The following UBAC2 variants were observed in gnomAD, a reference collection of about 807,000 sequenced individuals.
The protein encoded by UBAC2 is ubiquitin-associated domain-containing protein 2.
Under a neutral mutation model 44.0 loss-of-function variants are expected in UBAC2, and 26 were observed. That is an observed-to-expected ratio of 0.59 (90% CI 0.43 to 0.82). The LOEUF is 0.82. UBAC2 is among the 40% of genes least tolerant of loss of function. The pLI is 0.00. For missense variants in UBAC2, 329 were observed against 419.4 expected (o/e 0.78, Z 1.88); for synonymous variants, 155 against 154.3 (o/e 1.00, Z -0.04).
intron 4 of UBAC2, among the ~76,000 whole-genome samples, chr13:99,308,373 ACT>A (rs1332401752): frequency 6.6e-6 from 1 of 151,734 alleles, no homozygotes; most frequent in Non-Finnish European, 1.5e-5. Flanking sequence ...GCTTGTGGAA[ACT>A]CTCATAGAAA....
intron 1 of UBAC2, chr13:99,215,595 C>G: frequency 7.5e-7 from 1 of 1,336,168 alleles, no homozygotes. Flanking sequence ...GATGGCTGCG[C>G]TGTACACAGC....
chr13:99,319,787 C>T (rs1454252215), intron 6 of UBAC2, among the ~76,000 whole-genome samples: 1 of 152,200 alleles, frequency 6.6e-6, no homozygotes, highest in African/African-American at 2.4e-5. Flanking sequence ...ACACAGGTGC[C>T]AGACTCCCCC....
intron 1 of UBAC2, among the ~76,000 whole-genome samples, chr13:99,232,399 G>GAGATAGAGATATATATATATATATATAT (rs1367302629): frequency 9.1e-6 from 1 of 109,902 alleles, no homozygotes; most frequent in Non-Finnish European, 2.1e-5. Flanking sequence ...TTAGTTGAGA[G>GAGATAGAGATATATATATATATATATAT]ATATAGATAT....
At chr13:99,353,956 C>T (rs1052464232) in intron 7 of UBAC2, among the ~76,000 whole-genome samples, 1 of 152,226 alleles carries the variant, frequency 6.6e-6, no homozygotes, top group Non-Finnish European at 1.5e-5. Context: ...TCGTGAGTCA[C>T]GATCTCCCAC....
chr13:99,215,711 CT>C, intron 1 of UBAC2: 1 of 1,500,708 alleles, frequency 6.7e-7, no homozygotes, highest in Non-Finnish European at 8.9e-7. Flanking sequence ...GGGAAACCGC[CT>C]TTGTCTTGGC....
chr13:99,277,748 C>T (rs566454940), intron 4 of UBAC2, among the ~76,000 whole-genome samples: 1 of 152,286 alleles, frequency 6.6e-6, no homozygotes, highest in East Asian at 1.9e-4. Flanking sequence ...TCTATTGTCT[C>T]ACTTTCTGGG....
chr13:99,375,323 A>G (rs1446236528), intron 8 of UBAC2, among the ~76,000 whole-genome samples: 1 of 137,662 alleles, frequency 7.3e-6, no homozygotes, highest in African/African-American at 2.6e-5. Context: ...GAGTGGTCAG[A>G]CAGGGAGAGG....
chr13:99,277,975 A>G (rs924555046), intron 4 of UBAC2, among the ~76,000 whole-genome samples: 4 of 152,206 alleles, frequency 2.6e-5, no homozygotes, highest in Non-Finnish European at 4.4e-5. Flanking sequence ...TGGTCTCCCC[A>G]TAGAAGGGCC....
chr13:99,363,649 C>T (rs939098948), intron 7 of UBAC2, among the ~76,000 whole-genome samples: 2 of 152,224 alleles, frequency 1.3e-5, no homozygotes, highest in Non-Finnish European at 2.9e-5. Context: ...CCCATATTCC[C>T]TTTCTGCTGA....
At chr13:99,286,862 A>G (rs139685493) in intron 4 of UBAC2, among the ~76,000 whole-genome samples, 7 of 152,276 alleles carry the variant, frequency 4.6e-5, no homozygotes, top group African/African-American at 9.6e-5. Flanking sequence ...CCATTCTCCT[A>G]TGATTTGAAT....
chr13:99,245,426 A>G (rs2043371230), intron 4 of UBAC2, among the ~76,000 whole-genome samples: 1 of 152,190 alleles, frequency 6.6e-6, no homozygotes, highest in Admixed American at 6.5e-5. Context: ...GCCGTGGCCA[A>G]CCCCACTCAG....
chr13:99,376,993 T>G (rs910693874), intron 8 of UBAC2: 8 of 152,354 alleles, frequency 5.3e-5, no homozygotes, highest in Admixed American at 1.3e-4. Context: ...TCGCCTCGCC[T>G]CGCCTCACCA....
intron 4 of UBAC2, among the ~76,000 whole-genome samples, chr13:99,279,955 G>C (rs1395377887): frequency 1.3e-5 from 2 of 152,240 alleles, no homozygotes; most frequent in African/African-American, 4.8e-5. Flanking sequence ...GGTTAGCATA[G>C]TGGCTCCCAC....
chr13:99,225,870 A>G (rs1057248441), intron 1 of UBAC2, among the ~76,000 whole-genome samples: 2 of 152,210 alleles, frequency 1.3e-5, no homozygotes, highest in Non-Finnish European at 2.9e-5. Context: ...ACGTCTTAGA[A>G]TTATATTTGG....
intron 4 of UBAC2, among the ~76,000 whole-genome samples, chr13:99,298,794 C>G (rs966511649): frequency 2.6e-5 from 4 of 152,082 alleles, no homozygotes; most frequent in South Asian, 2.1e-4. Flanking sequence ...ATGTGAAAAG[C>G]AGCTTTTCAG....
chr13:99,289,511 C>T (rs2044062730), intron 4 of UBAC2, among the ~76,000 whole-genome samples: 1 of 152,144 alleles, frequency 6.6e-6, no homozygotes, highest in South Asian at 2.1e-4. Flanking sequence ...TATTCTCAAT[C>T]CCTGAGCATG....
chr13:99,229,796 A>G (rs1052539841), intron 1 of UBAC2, among the ~76,000 whole-genome samples: 1 of 152,238 alleles, frequency 6.6e-6, no homozygotes, highest in Non-Finnish European at 1.5e-5. Flanking sequence ...ATAGTTATAA[A>G]TGCATAGGGA....
At chr13:99,330,633 T>C (rs889642247) in intron 6 of UBAC2, among the ~76,000 whole-genome samples, 2 of 152,074 alleles carry the variant, frequency 1.3e-5, no homozygotes, top group African/African-American at 4.8e-5. Context: ...ATGCTTCTTC[T>C]TTCCCAATTT....
At chr13:99,237,087 T>A (rs1356765563) in intron 1 of UBAC2, among the ~76,000 whole-genome samples, 1 of 152,144 alleles carries the variant, frequency 6.6e-6, no homozygotes, top group Admixed American at 6.5e-5. Flanking sequence ...GCAGCACTAT[T>A]CACAATAGCC....
Sources: gnomAD v4.1 joint callset for allele counts (sites outside exome capture counted in the v4.1 genomes callset) on GRCh38, gnomAD v4.1.1 for gene constraint, MANE v1.5 for transcripts, NCBI Gene and HGNC (gene_info 2026-07-23, HGNC 2026-07-21) for gene names.